The following CDK10 variants were observed in gnomAD, a reference collection of about 807,000 sequenced individuals.
CDK10 encodes cyclin dependent kinase 10, also known as cyclin-dependent kinase 10.
In CDK10, 55 loss-of-function variants were observed where a neutral mutation model predicts 51.0. The ratio of observed to expected loss-of-function variants is 1.08; its 90% CI spans 0.87 to 1.35. The LOEUF is 1.35. Ranked by LOEUF, CDK10 falls within the 40% of genes most tolerant of loss-of-function variation. The pLI, the probability that CDK10 is intolerant of heterozygous loss-of-function variation, is 0.00. For missense variants in CDK10, 589 were observed against 485.1 expected (o/e 1.21, Z -2.01); for synonymous variants, 255 against 199.1 (o/e 1.28, Z -2.36).
At chr16:89,692,037 G>A (rs2060474556) in intron 5 of CDK10, 150 bp downstream of exon 5, 1 of 672,800 alleles carries the variant, frequency 1.5e-6, no homozygotes, top group Non-Finnish European at 2.5e-6. Context: ...CAGTGAGGTG[G>A]AATTCCTGTG....
At chr16:89,688,189 C>G (rs1474515435) in intron 1 of CDK10, among the ~76,000 whole-genome samples, 1 of 150,422 alleles carries the variant, frequency 6.6e-6, no homozygotes. Context: ...TCACGCCATC[C>G]TCCTGCCTCA....
At chr16:89,689,414 G>A (rs2060343547) in intron 2 of CDK10, 90 bp downstream of exon 2, 3 of 1,113,582 alleles carry the variant, frequency 2.7e-6, no homozygotes, top group African/African-American at 3.1e-5. Flanking sequence ...CGTTGGGGCT[G>A]GAAGGGACTC....
chr16:89,687,423 A>T, intron 1 of CDK10: 1 of 448,664 alleles, frequency 2.2e-6, no homozygotes, highest in Non-Finnish European at 4.5e-6. Flanking sequence ...AGGCCAAGCC[A>T]CGTGTTCAGT....
chr16:89,694,069 C>A, intron 8 of CDK10, 104 bp from the exon 9 acceptor site: 3 of 1,171,770 alleles, frequency 2.6e-6, no homozygotes, highest in East Asian at 2.4e-5. Flanking sequence ...CGAGTTGGGA[C>A]AGGTTTCCAG....
At chr16:89,693,975 C>T (rs2060574242) in intron 8 of CDK10, 198 bp from the exon 9 acceptor site, 1 of 628,490 alleles carries the variant, frequency 1.6e-6, no homozygotes, top group African/African-American at 1.8e-5. Context: ...TCTCAGGACA[C>T]CGCTGCACGT....
intron 2 of CDK10, chr16:89,689,921 T>C (rs2060366425): frequency 6.5e-6 from 1 of 154,038 alleles, no homozygotes; most frequent in South Asian, 2.0e-4. Flanking sequence ...TGGGCTCAAA[T>C]GATCCTCCTG....
Position 89,690,609 on chromosome 16 carries a change from G to A in CDK10, c.217G>A (p.Asp73Asn). ...TGTCGCACTGAAGAAGGTGCGGATG[G>A]ACAAGGAGAAGGATGGTGAGCAGGA... ...EIVALKKVRMDKEKDGIPISS... is the reference protein window; with the variant it reads ...EIVALKKVRMNKEKDGIPISS... The change falls in exon 3 of 13, where the codon GAC becomes AAC. Residue 73 changes from aspartate (D) to asparagine (N), a missense_variant. By Grantham distance (23) the Asp-to-Asn change is conservative (BLOSUM62 1). Coordinates refer to ENST00000353379, the MANE Select transcript of CDK10 (RefSeq NM_052988.5). 3 of 1,614,128 alleles carry A rather than the reference G, an allele frequency of 1.9e-6. No homozygotes were observed. The highest frequency in any genetic ancestry group is 2.5e-6 in the Non-Finnish European group (3 of 1,179,968).
chr16:89,694,295 C>G, intron 9 of CDK10, 63 bp downstream of exon 9: 1 of 1,547,792 alleles, frequency 6.5e-7, no homozygotes, highest in Non-Finnish European at 8.9e-7. Context: ...GCCGGGTCAC[C>G]TGGTTCCTGA....
Position 89,695,909 on chromosome 16 carries a change from C to G in CDK10, c.*217C>G. On this transcript the variant is annotated 3_prime_UTR_variant, in exon 13 of 13. Transcript: ENST00000353379. ...CACCGGGGGGCTCCCAGCCCGTGCA[C>G]CCTGGAAGGGCAGGTCTGGCGGCTC... The G allele has an allele frequency of 9.8e-7, 1 of 1,018,316 alleles. No homozygotes were observed. The allele number at this position is 1,018,316 out of a possible 1,614,324, so 63.1% of individuals were successfully genotyped here.
chr16:89,695,016 C>T lies in CDK10; in HGVS notation c.878C>T (p.Ser293Leu), dbSNP rs775925838. 21 of 1,613,196 alleles carry T rather than the reference C, an allele frequency of 1.3e-5. No homozygotes were observed. The highest frequency in any genetic ancestry group is 8.9e-5 in the East Asian group (4 of 44,888). Reference protein sequence around the residue: ...NNLKHKFPWLSEAGLRLLHFL... With the variant: ...NNLKHKFPWLLEAGLRLLHFL... The stretch of plus-strand genomic sequence containing the variant: ...CTGAAGCACAAGTTCCCATGGCTGT[C>T]GGAGGCCGGGCTGCGCCTGCTGCAC... The change falls in exon 11 of 13, where the codon TCG (serine) becomes TTG (leucine). Residue 293 changes from serine to leucine, a missense_variant. Physicochemically the swap from Ser to Leu is moderately radical, Grantham distance 145. Coordinates refer to ENST00000353379, the MANE Select transcript of CDK10 (RefSeq NM_052988.5).
In CDK10 at chr16:89,692,438, C is replaced by T; in HGVS notation, c.418-11C>T. 1.3e-6 allele frequency: 2 copies of T among 1,569,360 alleles called. No homozygotes were observed. Among genetic ancestry groups the T allele is most frequent in the Non-Finnish European group, 8.6e-7 (1 of 1,158,642 alleles). ...GCTCACCCTGACTGGTACCTCTGAC[C>T]CTCTGCACAGGTCAAGTGCATCGTG... is the stretch of plus-strand genomic sequence containing the variant. On this transcript the variant is annotated splice_polypyrimidine_tract_variant and intron_variant, in intron 5 of 12. Coordinates refer to ENST00000353379, the MANE Select transcript of CDK10 (RefSeq NM_052988.5).
In CDK10 at chr16:89,689,381, C is replaced by T. The variant is rs376407138; in HGVS notation, c.160+57C>T. 3.5e-5 allele frequency: 52 copies of T among 1,500,744 alleles called. No homozygotes were observed. The African/African-American group carries it at 4.0e-4, about 12-fold the overall frequency. 93.0% of individuals were successfully genotyped at this position (1,500,744 alleles called of 1,614,324 possible). On this transcript the variant is annotated intron_variant, in intron 2 of 12. Transcript: ENST00000353379. Reference sequence around the variant, plus strand: ...AGCTCGTGGCTGTGACAGTGTGGGACGAGACTGTCGAAGCAGCAGCCGCGT... The same window carrying T: ...AGCTCGTGGCTGTGACAGTGTGGGATGAGACTGTCGAAGCAGCAGCCGCGT...
Position 89,686,850 on chromosome 16 carries a change from C to T in CDK10, c.87+53C>T, listed in dbSNP as rs374860740. On this transcript the variant is annotated intron_variant, in intron 1 of 12. Transcript: ENST00000353379. ...TGCCCGCCTCGCTAGCGGCACTGCCCGGCTGGGTCTGGGGAGCCTCGTGTC... is the reference window on the plus strand; with the variant it reads ...TGCCCGCCTCGCTAGCGGCACTGCCTGGCTGGGTCTGGGGAGCCTCGTGTC... 4.2e-4 allele frequency: 632 copies of T among 1,497,672 alleles called. 4 individuals are homozygous for T. The highest frequency in any genetic ancestry group is 5.0e-4 in the Non-Finnish European group (545 of 1,087,644). The allele number at this position is 1,497,672 out of a possible 1,614,324, so 92.8% of individuals were successfully genotyped here.
rs917595561 is a variant in CDK10 at position 89,693,610 on chromosome 16, G to C, written c.608+143G>C. Reference sequence around the variant, plus strand: ...TGCACACTCAGAAACGTTGGGTCTAGGACAGCCTCCAGGACACAGCAGGGC... The same window carrying C: ...TGCACACTCAGAAACGTTGGGTCTACGACAGCCTCCAGGACACAGCAGGGC... On this transcript the variant is annotated intron_variant, in intron 8 of 12. Transcript: ENST00000353379. 2.6e-5 allele frequency: 21 copies of C among 796,700 alleles called. No homozygotes were observed. In the African/African-American group the frequency reaches 3.2e-4, roughly 12 times the overall value. 49.4% of individuals were successfully genotyped at this position (796,700 alleles called of 1,614,324 possible).
At chr16:89,691,742 G>T in intron 4 of CDK10, 64 bp from the exon 5 acceptor site, 1 of 1,492,662 alleles carries the variant, frequency 6.7e-7, no homozygotes, top group Admixed American at 1.7e-5. Flanking sequence ...TGCAGCAGGG[G>T]AGGCTCCACT....
intron 2 of CDK10, chr16:89,690,285 G>C (rs1407962411): frequency 5.9e-6 from 3 of 507,462 alleles, no homozygotes; most frequent in Non-Finnish European, 1.1e-5. Flanking sequence ...TGGAGAGCCT[G>C]GAGCCACAGA....
rs763754481 is a variant in CDK10, at chr16:89,695,318, A to G, written c.958A>G (p.Ser320Gly). 1.9e-6 allele frequency: 3 copies of G among 1,612,206 alleles called. No individual in the cohort carries two copies. Among genetic ancestry groups the G allele is most frequent in the Non-Finnish European group, 2.5e-6 (3 of 1,178,994 alleles). The change falls in exon 12 of 13, where the codon AGC (serine) becomes GGC (glycine). Residue 320 changes from serine to glycine, a missense_variant. Physicochemically the swap from Ser to Gly is moderately conservative, Grantham distance 56 (BLOSUM62 0). Transcript: ENST00000353379. ...GGCGACGGCCGGGGACTGCCTGGAG[A>G]GCTCCTATTTCAAGGAGAAGCCCCT... ...KRATAGDCLE[S>G]SYFKEKPLPC...
chr16:89,688,158 T>A (rs1411610471), intron 1 of CDK10, among the ~76,000 whole-genome samples: 1 of 144,850 alleles, frequency 6.9e-6, no homozygotes, highest in Admixed American at 7.3e-5. Context: ...CTCGGCTCAC[T>A]GCAAGCTCCA....
intron 2 of CDK10, chr16:89,690,164 G>A (rs2060378185): frequency 9.4e-6 from 2 of 213,020 alleles, no homozygotes; most frequent in South Asian, 8.7e-5. Context: ...ATGTTTTGTA[G>A]AGCCATCTTC....
Sources: gnomAD v4.1 joint callset for allele counts (sites outside exome capture counted in the v4.1 genomes callset) on GRCh38, gnomAD v4.1.1 for gene constraint, MANE v1.5 for transcripts, NCBI Gene and HGNC (gene_info 2026-07-23, HGNC 2026-07-21) for gene names.